The following ZFAT variants were observed in gnomAD, a reference collection of about 807,000 sequenced individuals.
ZFAT encodes the protein zinc finger protein ZFAT.
Under a neutral mutation model 117.7 loss-of-function variants are expected in ZFAT, and 64 were observed. The ratio of observed to expected loss-of-function variants is 0.54; its 90% confidence interval spans 0.44 to 0.67. The LOEUF is 0.67. ZFAT is among the 30% of genes least tolerant of loss of function. ZFAT has a pLI of 0.00. For missense variants in ZFAT, 1,433 were observed against 1,584.5 expected, an observed-to-expected ratio of 0.90 and a Z score of 1.62; for synonymous variants, 679 against 615.0, an observed-to-expected ratio of 1.10 and a Z score of -1.54.
chr8:134,489,459 C>T (rs1000755900), intron 15 of ZFAT, among the ~76,000 whole-genome samples: 5 of 152,140 alleles, frequency 3.3e-5, no homozygotes, highest in Non-Finnish European at 4.4e-5. Flanking sequence ...GCACCTTGCT[C>T]GGCCTCTGCA....
intron 1 of ZFAT, among the ~76,000 whole-genome samples, chr8:134,688,572 G>T (rs561319747): frequency 3.1e-4 from 47 of 152,206 alleles, no homozygotes; most frequent in Admixed American, 2.3e-3. Flanking sequence ...AGGAAGAAAA[G>T]GAGCCAGGAC....
At chr8:134,534,405 C>T (rs1469185808) in intron 11 of ZFAT, among the ~76,000 whole-genome samples, 1 of 152,178 alleles carries the variant, frequency 6.6e-6, no homozygotes, top group African/African-American at 2.4e-5. Context: ...AGAGCTAAAC[C>T]AGCAACTGCA....
the ZFAT span, among the ~76,000 whole-genome samples, chr8:134,814,574 C>T: frequency 6.6e-6 from 1 of 152,100 alleles, no homozygotes; most frequent in African/African-American, 2.4e-5. Context: ...GGCCTAACAG[C>T]CAAGGCAATA....
the ZFAT span, chr8:134,800,509 T>C: frequency 9.9e-6 from 5 of 506,082 alleles, no homozygotes; most frequent in Middle Eastern, 6.4e-4. Context: ...TCAATGTTAA[T>C]TGGTTGACAT....
At chr8:134,824,394 TA>T in the ZFAT span, among the ~76,000 whole-genome samples, 1 of 152,188 alleles carries the variant, frequency 6.6e-6, no homozygotes, top group East Asian at 1.9e-4. Flanking sequence ...AGGCAAGTGA[TA>T]AGAGCAAATA....
At chr8:134,719,710 T>C in the ZFAT span, among the ~76,000 whole-genome samples, 20,604 of 152,146 alleles carry the variant, frequency 0.14, 1,486 homozygotes, top group Non-Finnish European at 0.16. Flanking sequence ...CAAGGGAGTT[T>C]GCAGCACAGA....
the ZFAT span, among the ~76,000 whole-genome samples, chr8:134,722,037 G>T: frequency 2.0e-5 from 3 of 152,224 alleles, no homozygotes; most frequent in Non-Finnish European, 4.4e-5. Context: ...CCCAAAGTGT[G>T]CTCCAAAGAG....
intron 1 of ZFAT, among the ~76,000 whole-genome samples, chr8:134,688,327 A>G (rs1365352454): frequency 6.6e-6 from 1 of 152,188 alleles, no homozygotes; most frequent in Admixed American, 6.5e-5. Context: ...ATGCGCACAC[A>G]TGCACCCGCA....
the ZFAT span, among the ~76,000 whole-genome samples, chr8:134,811,021 G>A: frequency 6.6e-6 from 1 of 151,544 alleles, no homozygotes. Flanking sequence ...AAAAAAAAAA[G>A]CATCAAAAAC....
chr8:134,823,315 G>A, the ZFAT span, among the ~76,000 whole-genome samples: 21 of 152,058 alleles, frequency 1.4e-4, no homozygotes, highest in Non-Finnish European at 8.8e-5. Context: ...AGATACTCAA[G>A]TATTAAAGCA....
At chr8:134,792,565 T>A in the ZFAT span, 13 of 152,248 alleles carry the variant, frequency 8.5e-5, no homozygotes, top group Non-Finnish European at 1.3e-4. Context: ...TGTGATTTTT[T>A]AAAGTTGGTT....
At chr8:134,644,913 A>G (rs998446720) in intron 2 of ZFAT, among the ~76,000 whole-genome samples, 1 of 152,144 alleles carries the variant, frequency 6.6e-6, no homozygotes, top group Non-Finnish European at 1.5e-5. Context: ...AATCACATGC[A>G]CACACACAAA....
chr8:134,577,527 A>G (rs563344073), intron 10 of ZFAT, among the ~76,000 whole-genome samples: 163 of 152,386 alleles, frequency 1.1e-3, no homozygotes, highest in African/African-American at 3.7e-3. Flanking sequence ...AATGGAGAAA[A>G]TCACTGACAC....
At chr8:134,688,342 G>A (rs776952102) in intron 1 of ZFAT, among the ~76,000 whole-genome samples, 2 of 151,984 alleles carry the variant, frequency 1.3e-5, no homozygotes, top group Admixed American at 6.6e-5. Flanking sequence ...CCCGCAAAAC[G>A]TGTGTACATA....
At chr8:134,545,273 G>A (rs1245095452) in intron 11 of ZFAT, among the ~76,000 whole-genome samples, 1 of 152,182 alleles carries the variant, frequency 6.6e-6, no homozygotes, top group African/African-American at 2.4e-5. Context: ...AGCACTTTGG[G>A]AGGCTGAGGT....
At position 134,533,082 on chromosome 8, in the gene ZFAT, C is replaced by A. The variant is rs965179844; in HGVS notation, c.2977-110G>T. The A allele has an allele frequency of 1.2e-5, 18 of 1,448,902 alleles. No individual in the cohort carries two copies. In the East Asian group the frequency reaches 4.2e-4, roughly 34 times the overall value. The allele number at this position is 1,448,902 out of a possible 1,614,324, so 89.8% of individuals were successfully genotyped here. On this transcript the variant is annotated intron_variant, in intron 11 of 15. Transcript: ENST00000377838. ...ACCCTGAAAGCCTGAGATGAGCAGG[C>A]CCCATCACCTGTGATATGTTCTAGG...
At chr8:134,578,587 C>T (rs563372311) in intron 10 of ZFAT, among the ~76,000 whole-genome samples, 4 of 152,060 alleles carry the variant, frequency 2.6e-5, no homozygotes, top group South Asian at 2.1e-4. Flanking sequence ...AGGAATGGCA[C>T]GACCTGGCCT....
At chr8:134,559,412 G>C (rs1763307335) in intron 11 of ZFAT, among the ~76,000 whole-genome samples, 1 of 152,116 alleles carries the variant, frequency 6.6e-6, no homozygotes, top group Admixed American at 6.5e-5. Context: ...TAGCCACAAA[G>C]CATCATTCTG....
the ZFAT span, among the ~76,000 whole-genome samples, chr8:134,819,504 C>CG: frequency 1.0e-5 from 1 of 95,326 alleles, no homozygotes; most frequent in Non-Finnish European, 2.1e-5. Context: ...CCACCCCCCC[C>CG]CCCCGCCCCC....
Sources: gnomAD v4.1 joint callset for allele counts (sites outside exome capture counted in the v4.1 genomes callset) on GRCh38, gnomAD v4.1.1 for gene constraint, MANE v1.5 for transcripts, NCBI Gene and HGNC (gene_info 2026-07-23, HGNC 2026-07-21) for gene names.